NRP1: variants seen among roughly 807,000 people sequenced by gnomAD.
The protein encoded by NRP1 is neuropilin-1.
Under a neutral mutation model 106.7 loss-of-function variants are expected in NRP1, and 35 were observed. The ratio of observed to expected loss-of-function variants is 0.33; its 90% CI spans 0.25 to 0.43. The LOEUF (loss-of-function observed/expected upper bound fraction) is 0.43, where lower values mean the gene tolerates loss of function less well. Among genes scored for constraint, NRP1 ranks in the 20% least tolerant of loss-of-function variants. NRP1 has a pLI of 1.00. For missense variants in NRP1, 1,024 were observed against 1,170.4 expected (o/e 0.87, Z 1.83); for synonymous variants, 437 against 417.9 (o/e 1.05, Z -0.56).
At position 33,254,139 on chromosome 10, in the gene NRP1, C is replaced by G. The variant is rs1243963204; in HGVS notation, c.870G>C (p.Gln290His). Residue 290 changes from glutamine to histidine, a missense_variant, in exon 6 of 17, where the codon CAG (glutamine) becomes CAC (histidine). Gln to His is a conservative substitution (Grantham distance 24). Transcript: ENST00000374867. ...TGCTATACTGGGAAGAAGCTGTGAT[C>G]TGGTCAGAATGAATTTCTCCTGATT... ...GMESGEIHSD[Q>H]ITASSQYSTN... The G allele has an allele frequency of 6.2e-7, 1 of 1,613,834 alleles. No homozygotes were observed. Among genetic ancestry groups the G allele is most frequent in the Non-Finnish European group, 8.5e-7 (1 of 1,179,996 alleles).
chr10:33,270,637 C>T (rs1379386716), intron 3 of NRP1, 38 bp downstream of exon 3: 2 of 1,546,080 alleles, frequency 1.3e-6, no homozygotes, highest in Non-Finnish European at 1.8e-6. Context: ...TAAATGAACT[C>T]TTAGTCATTC....
chr10:33,186,024 G>C (rs2506146), intron 14 of NRP1, among the ~76,000 whole-genome samples, 193 bp downstream of exon 14: 23,532 of 152,180 alleles, frequency 0.15, 2,408 homozygotes, highest in African/African-American at 0.29. Flanking sequence ...TCAGCAAATT[G>C]GTTCTATTCC....
intron 15 of NRP1, among the ~76,000 whole-genome samples, chr10:33,183,734 T>A (rs1032122435): frequency 1.3e-5 from 2 of 152,226 alleles, no homozygotes; most frequent in African/African-American, 4.8e-5. Context: ...TATGAATGAA[T>A]GAAAGATTAA....
At chr10:33,310,494 A>G (rs992865172) in intron 2 of NRP1, among the ~76,000 whole-genome samples, 2 of 146,326 alleles carry the variant, frequency 1.4e-5, no homozygotes, top group Non-Finnish European at 3.0e-5. Flanking sequence ...CAAGTGATTC[A>G]CTCGACTTGG....
chr10:33,249,084 GTTTTTT>G (rs750905931), intron 6 of NRP1, among the ~76,000 whole-genome samples: 1,652 of 72,194 alleles, frequency 0.023, 7 homozygotes, highest in Admixed American at 0.085. Flanking sequence ...TATGTCTCTT[GTTTTTT>G]TTTTTTTTTT....
chr10:33,203,204 G>A (rs925145663), intron 10 of NRP1, among the ~76,000 whole-genome samples: 8 of 152,188 alleles, frequency 5.3e-5, no homozygotes, highest in South Asian at 2.1e-4. Context: ...TATTTGATTC[G>A]TATCTGCCGA....
chr10:33,311,423 C>T (rs992002677), intron 2 of NRP1, among the ~76,000 whole-genome samples: 1 of 152,200 alleles, frequency 6.6e-6, no homozygotes, highest in Non-Finnish European at 1.5e-5. Context: ...ATGGAGGCCA[C>T]TCGGAGAACA....
At chr10:33,197,839 T>C in intron 11 of NRP1, 130 bp from the exon 12 acceptor site, 2 of 455,622 alleles carry the variant, frequency 4.4e-6, no homozygotes, top group East Asian at 3.4e-5. Context: ...ATTTCAATGA[T>C]AGCAATTGTT....
chr10:33,269,419 A>G (rs571738280), intron 3 of NRP1, among the ~76,000 whole-genome samples: 34 of 152,256 alleles, frequency 2.2e-4, no homozygotes, highest in Admixed American at 6.5e-4. Context: ...TCAACCTCCT[A>G]AGTAGCTGGA....
chr10:33,323,665 G>T (rs1356436576), intron 2 of NRP1, among the ~76,000 whole-genome samples: 1 of 152,250 alleles, frequency 6.6e-6, no homozygotes, highest in South Asian at 2.1e-4. Flanking sequence ...CAGGATGGAT[G>T]ACAAACACCC....
chr10:33,275,370 C>T (rs1291873621), intron 2 of NRP1, among the ~76,000 whole-genome samples: 1 of 152,174 alleles, frequency 6.6e-6, no homozygotes, highest in East Asian at 1.9e-4. Flanking sequence ...AGATCGAGAC[C>T]ATCCTGGCTA....
intron 3 of NRP1, among the ~76,000 whole-genome samples, chr10:33,267,037 A>G (rs1842969436): frequency 6.6e-6 from 1 of 151,568 alleles, no homozygotes; most frequent in South Asian, 2.1e-4. Flanking sequence ...GTCTCAAAAC[A>G]AAACACAAAA....
At chr10:33,200,004 T>C (rs1837153790) in intron 11 of NRP1, among the ~76,000 whole-genome samples, 1 of 152,140 alleles carries the variant, frequency 6.6e-6, no homozygotes, top group Non-Finnish European at 1.5e-5. Flanking sequence ...CCAGCAAATA[T>C]GCTGGATGAG....
chr10:33,200,451 G>A (rs935636514), intron 11 of NRP1, among the ~76,000 whole-genome samples: 1 of 152,144 alleles, frequency 6.6e-6, no homozygotes, highest in African/African-American at 2.4e-5. Flanking sequence ...TAAGTAACGA[G>A]CATTTCATTA....
chr10:33,256,913 C>T (rs906256827), intron 4 of NRP1, among the ~76,000 whole-genome samples: 7 of 152,142 alleles, frequency 4.6e-5, no homozygotes, highest in African/African-American at 1.7e-4. Context: ...TCTGGGGATG[C>T]TGATGTCCAG....
chr10:33,202,566 T>C, intron 11 of NRP1: 3 of 1,245,310 alleles, frequency 2.4e-6, no homozygotes, highest in Non-Finnish European at 3.2e-6. Flanking sequence ...GCACGTGTTA[T>C]TGGGGGGGGG....
chr10:33,223,850 G>A (rs1839448201), intron 7 of NRP1, among the ~76,000 whole-genome samples: 1 of 152,206 alleles, frequency 6.6e-6, no homozygotes, highest in South Asian at 2.1e-4. Flanking sequence ...TGGGGGCAAT[G>A]AGTCCTTGTC....
intron 2 of NRP1, among the ~76,000 whole-genome samples, chr10:33,295,874 C>T (rs1433752772): frequency 1.3e-5 from 2 of 152,108 alleles, no homozygotes; most frequent in Non-Finnish European, 2.9e-5. Flanking sequence ...TGCTAAAACT[C>T]AAGGAAATTA....
chr10:33,247,699 C>G (rs941679606), intron 6 of NRP1, among the ~76,000 whole-genome samples: 1 of 152,232 alleles, frequency 6.6e-6, no homozygotes, highest in Non-Finnish European at 1.5e-5. Flanking sequence ...GAGAGCTTTG[C>G]AAGCCTCACC....
Sources: allele counts gnomAD v4.1 joint callset (sites outside exome capture counted in the v4.1 genomes callset), GRCh38; gene constraint gnomAD v4.1.1; transcripts MANE v1.5; gene names NCBI Gene and HGNC (gene_info 2026-07-23, HGNC 2026-07-21).